ELAPOR2: variants seen among roughly 807,000 people sequenced by gnomAD.
ELAPOR2 encodes the protein endosome/lysosome-associated apoptosis and autophagy regulator family member 2.
Under a neutral mutation model 120.7 loss-of-function variants are expected in ELAPOR2, and 89 were observed. The ratio of observed to expected loss-of-function variants is 0.74; its 90% confidence interval spans 0.62 to 0.88. The LOEUF (loss-of-function observed/expected upper bound fraction) is 0.88, where lower values mean the gene tolerates loss of function less well. Ranked by LOEUF, ELAPOR2 falls within the 40% of genes least tolerant of loss-of-function variation. The probability of loss-of-function intolerance (pLI) is 0.00; values close to 1 mark genes in which losing one functional copy is unlikely to be tolerated. For missense variants in ELAPOR2, 1,134 were observed against 1,251.6 expected, an observed-to-expected ratio of 0.91 and a Z score of 1.42; for synonymous variants, 444 against 444.9, an observed-to-expected ratio of 1.00 and a Z score of 0.03.
At chr7:86,914,181 A>G (rs1269701252) in intron 13 of ELAPOR2, among the ~76,000 whole-genome samples, 4 of 152,200 alleles carry the variant, frequency 2.6e-5, no homozygotes, top group African/African-American at 9.6e-5. Flanking sequence ...ATTGAAACAT[A>G]TGGTACAATG....
intron 1 of ELAPOR2, among the ~76,000 whole-genome samples, chr7:87,039,763 G>A (rs549494359): frequency 1.3e-5 from 2 of 152,186 alleles, no homozygotes; most frequent in Non-Finnish European, 2.9e-5. Flanking sequence ...TACCGAGGGA[G>A]GAGCCAAGAT....
chr7:87,054,591 A>C (rs1182533919), intron 1 of ELAPOR2, among the ~76,000 whole-genome samples: 1 of 152,210 alleles, frequency 6.6e-6, no homozygotes, highest in Admixed American at 6.5e-5. Flanking sequence ...GACTTCCTAC[A>C]GAAAGGATGT....
chr7:86,913,021 G>A lies in ELAPOR2; in HGVS notation c.1915C>T (p.Pro639Ser), dbSNP rs550528694. The change falls in exon 14 of 22, where the codon CCT becomes TCT. Residue 639 changes from proline to serine, a missense_variant. By Grantham distance (74) the Pro-to-Ser change is moderately conservative. Transcript: ENST00000450689. ...TGATGTATGGACAGGTAGGTGTCAG[G>A]TGGACATTCCTTGCACTGGTTGGTT... The part of the protein sequence containing the change: ...KETNQCKECP[P>S]DTYLSIHQVY... 22 of 1,614,084 alleles carry A rather than the reference G, an allele frequency of 1.4e-5. No homozygotes were observed. In the Admixed American group the frequency reaches 3.3e-4, roughly 24 times the overall value.
chr7:87,011,229 G>A lies in ELAPOR2; in HGVS notation c.190-46205C>T, dbSNP rs558266610. ...GTTGCAGTGAGCCAAGATGCATGGC[G>A]ACAGAGCGAGACTCCATCTCAAAAA... On this transcript the variant is annotated intron_variant, in intron 1 of 21. Transcript: ENST00000450689. 1.8e-3 allele frequency among the ~76,000 whole-genome samples: 115 copies of A among 62,254 alleles called. No individual in the cohort carries two copies. In the East Asian group the frequency reaches 0.025, roughly 13 times the overall value. The allele number at this position is 62,254 out of a possible 152,430, so 40.8% of individuals were successfully genotyped here.
At chr7:87,006,378 G>C (rs2116648175) in intron 1 of ELAPOR2, among the ~76,000 whole-genome samples, 1 of 151,230 alleles carries the variant, frequency 6.6e-6, no homozygotes, top group African/African-American at 2.4e-5. Context: ...CTGTTGGGGG[G>C]TGGGGGGCTA....
chr7:87,051,205 T>C (rs1305126531), intron 1 of ELAPOR2, among the ~76,000 whole-genome samples: 2 of 152,110 alleles, frequency 1.3e-5, no homozygotes, highest in Admixed American at 6.5e-5. Context: ...AACATGGCAA[T>C]GTCAAGATGT....
chr7:86,946,159 T>TCACACACACACACACACACA (rs3223108), intron 3 of ELAPOR2, among the ~76,000 whole-genome samples: 94 of 146,396 alleles, frequency 6.4e-4, no homozygotes, highest in Middle Eastern at 3.4e-3. Flanking sequence ...ATACCATTTC[T>TCACACACACACACACACACA]CACACACACA....
chr7:86,961,360 T>C (rs1584398726), intron 2 of ELAPOR2, among the ~76,000 whole-genome samples: 2 of 152,264 alleles, frequency 1.3e-5, no homozygotes, highest in Admixed American at 1.3e-4. Flanking sequence ...CAGATATATT[T>C]TAAAGAATAA....
chr7:86,889,047 A>C (rs1416503720), intron 21 of ELAPOR2, among the ~76,000 whole-genome samples: 2 of 152,010 alleles, frequency 1.3e-5, no homozygotes, highest in Non-Finnish European at 2.9e-5. Flanking sequence ...AAATACCCCT[A>C]CTGTTATGGA....
At chr7:86,908,325 A>G in intron 17 of ELAPOR2, 122 bp downstream of exon 17, 2 of 581,172 alleles carry the variant, frequency 3.4e-6, no homozygotes, top group Non-Finnish European at 6.0e-6. Flanking sequence ...TCTCTGCCAT[A>G]AGAACTCACA....
intron 2 of ELAPOR2, among the ~76,000 whole-genome samples, chr7:86,961,314 C>T (rs1791698723): frequency 6.6e-6 from 1 of 152,064 alleles, no homozygotes; most frequent in African/African-American, 2.4e-5. Flanking sequence ...AGGAAAACAA[C>T]ATGGTATATT....
At chr7:87,025,487 C>T (rs1794213435) in intron 1 of ELAPOR2, among the ~76,000 whole-genome samples, 1 of 152,092 alleles carries the variant, frequency 6.6e-6, no homozygotes, top group South Asian at 2.1e-4. Flanking sequence ...CAGCAGAAAG[C>T]AAGTTACTCA....
chr7:87,050,502 C>T (rs189071910), intron 1 of ELAPOR2, among the ~76,000 whole-genome samples: 24 of 152,204 alleles, frequency 1.6e-4, no homozygotes, highest in Admixed American at 5.9e-4. Flanking sequence ...TTGAGGCCTC[C>T]CTAGAGGCCC....
At chr7:86,937,564 G>A (rs1790617478) in intron 8 of ELAPOR2, among the ~76,000 whole-genome samples, 1 of 152,032 alleles carries the variant, frequency 6.6e-6, no homozygotes, top group Non-Finnish European at 1.5e-5. Flanking sequence ...CCATTTATAT[G>A]GTACTTACTT....
intron 1 of ELAPOR2, among the ~76,000 whole-genome samples, chr7:87,036,570 G>A (rs1382972695): frequency 6.6e-6 from 1 of 151,932 alleles, no homozygotes. Flanking sequence ...AAGAAAATGT[G>A]GTACATATAC....
chr7:86,945,613 T>A (rs1790966918), intron 3 of ELAPOR2, among the ~76,000 whole-genome samples: 2 of 152,178 alleles, frequency 1.3e-5, no homozygotes, highest in African/African-American at 4.8e-5. Flanking sequence ...GTTTATAACA[T>A]GTTTCTAAAT....
chr7:87,030,757 T>G (rs995933463), intron 1 of ELAPOR2, among the ~76,000 whole-genome samples: 1 of 152,216 alleles, frequency 6.6e-6, no homozygotes, highest in Non-Finnish European at 1.5e-5. Context: ...AAGTACTCTC[T>G]GTATGTCATT....
chr7:86,924,052 C>G (rs1584355586), intron 10 of ELAPOR2, among the ~76,000 whole-genome samples: 1 of 152,116 alleles, frequency 6.6e-6, no homozygotes, highest in African/African-American at 2.4e-5. Context: ...CCCTGTGCCT[C>G]TCCATTTCAC....
chr7:86,935,023 G>A (rs1005204131), intron 8 of ELAPOR2, among the ~76,000 whole-genome samples: 1 of 151,754 alleles, frequency 6.6e-6, no homozygotes, highest in African/African-American at 2.4e-5. Flanking sequence ...CCGGGAGAAG[G>A]GCATTATGAG....
Sources: gnomAD v4.1 joint callset for allele counts (sites outside exome capture counted in the v4.1 genomes callset) on GRCh38, gnomAD v4.1.1 for gene constraint, MANE v1.5 for transcripts, NCBI Gene and HGNC (gene_info 2026-07-23, HGNC 2026-07-21) for gene names.